OSBPL10: variants seen among roughly 807,000 people sequenced by gnomAD.
OSBPL10 encodes oxysterol-binding protein-related protein 10.
In OSBPL10, 49 loss-of-function variants were observed where a neutral mutation model predicts 81.7. That is an observed-to-expected ratio of 0.60 (90% CI 0.48 to 0.76). The LOEUF (loss-of-function observed/expected upper bound fraction) is 0.76, where lower values mean the gene tolerates loss of function less well. Among genes scored for constraint, OSBPL10 ranks in the 30% least tolerant of loss-of-function variants. The pLI is 0.00. For missense variants in OSBPL10, 923 were observed against 987.8 expected (o/e 0.93, Z 0.88); for synonymous variants, 419 against 383.6 (o/e 1.09, Z -1.08).
At chr3:32,044,559 A>G (rs1575091472) in intron 2 of OSBPL10, among the ~76,000 whole-genome samples, 1 of 151,424 alleles carries the variant, frequency 6.6e-6, no homozygotes, top group South Asian at 2.1e-4. Flanking sequence ...CCTGACCAAC[A>G]GGAGAAACCC....
At chr3:31,705,891 CT>C (rs1696049299) in intron 6 of OSBPL10, among the ~76,000 whole-genome samples, 1 of 152,132 alleles carries the variant, frequency 6.6e-6, no homozygotes, top group Admixed American at 6.5e-5. Flanking sequence ...TTTCATACTG[CT>C]GAGAGAATTT....
chr3:31,910,047 T>C (rs574753452), intron 1 of OSBPL10, among the ~76,000 whole-genome samples: 37 of 145,056 alleles, frequency 2.6e-4, no homozygotes, highest in African/African-American at 9.4e-4. Context: ...AGTGGCACAA[T>C]CTCGGCTCAC....
chr3:32,049,883 C>T (rs565624879), intron 1 of OSBPL10, among the ~76,000 whole-genome samples: 19 of 152,168 alleles, frequency 1.2e-4, no homozygotes, highest in Non-Finnish European at 2.2e-4. Context: ...CTGGCCTCCC[C>T]GAGCTCCTTG....
intron 6 of OSBPL10, among the ~76,000 whole-genome samples, chr3:31,731,127 T>C (rs1489742151): frequency 2.0e-5 from 3 of 152,148 alleles, no homozygotes; most frequent in East Asian, 3.8e-4. Flanking sequence ...AGACAAAAAA[T>C]GTGGCAAAGC....
At chr3:31,954,095 G>C (rs894792246) in intron 1 of OSBPL10, among the ~76,000 whole-genome samples, 9 of 152,198 alleles carry the variant, frequency 5.9e-5, no homozygotes, top group African/African-American at 1.9e-4. Flanking sequence ...GAGAAGTCTG[G>C]GTTCATCCTT....
chr3:31,942,534 C>CAA (rs34915200), intron 1 of OSBPL10, among the ~76,000 whole-genome samples: 24,994 of 79,446 alleles, frequency 0.31, 3,923 homozygotes, highest in East Asian at 0.43. Context: ...GACTCCATCT[C>CAA]AAAAAAAAAA....
chr3:31,758,368 G>C (rs912412496), intron 4 of OSBPL10, among the ~76,000 whole-genome samples: 1 of 152,190 alleles, frequency 6.6e-6, no homozygotes, highest in African/African-American at 2.4e-5. Flanking sequence ...AGATACCACT[G>C]TTAGCCAAGG....
intron 4 of OSBPL10, among the ~76,000 whole-genome samples, chr3:31,821,127 C>A (rs914339882): frequency 5.9e-5 from 9 of 152,084 alleles, no homozygotes; most frequent in Non-Finnish European, 7.4e-5. Flanking sequence ...CCATGCCGTG[C>A]TCCCAGCAGG....
chr3:31,947,557 C>T (rs1306043591), intron 1 of OSBPL10, among the ~76,000 whole-genome samples: 1 of 152,188 alleles, frequency 6.6e-6, no homozygotes, highest in African/African-American at 2.4e-5. Flanking sequence ...CCTTCCCCTA[C>T]TCCACAATTC....
In OSBPL10 at chr3:31,664,176, G is replaced by A; in HGVS notation, c.2153C>T (p.Thr718Ile). 3.1e-6 allele frequency: 5 copies of A among 1,613,414 alleles called. No individual in the cohort carries two copies. Among genetic ancestry groups the A allele is most frequent in the Non-Finnish European group, 4.2e-6 (5 of 1,179,984 alleles). Residue 718 changes from threonine to isoleucine, a missense_variant, in exon 11 of 12, where the codon ACC becomes ATC. Thr to Ile is a moderately conservative substitution (Grantham distance 89, BLOSUM62 -1). This residue lies in a region of OSBPL10 where 387 missense variants were observed against 436.3 expected (regional missense o/e 0.89). Coordinates refer to ENST00000396556, the MANE Select transcript of OSBPL10 (RefSeq NM_017784.5). ...YLRLGDIDAATEQKRHLEEKQ... is the reference protein window; with the variant it reads ...YLRLGDIDAAIEQKRHLEEKQ... ...CTCCTCCAGGTGCCGCTTCTGCTCG[G>A]TGGCTGCGTCAATGTCCCCCAGCCG...
intron 4 of OSBPL10, among the ~76,000 whole-genome samples, chr3:31,762,258 C>G (rs953189927): frequency 6.6e-6 from 1 of 152,172 alleles, no homozygotes; most frequent in Admixed American, 6.5e-5. Flanking sequence ...CTGCTTCCCC[C>G]ACATTTATCT....
chr3:31,772,032 CA>C (rs967262404), intron 4 of OSBPL10, among the ~76,000 whole-genome samples: 1 of 152,168 alleles, frequency 6.6e-6, no homozygotes, highest in African/African-American at 2.4e-5. Context: ...ATTTGCCTAG[CA>C]GATTTTTTTT....
intron 4 of OSBPL10, among the ~76,000 whole-genome samples, chr3:31,754,535 T>G (rs535889766): frequency 1.3e-5 from 2 of 152,126 alleles, no homozygotes; most frequent in Non-Finnish European, 2.9e-5. Flanking sequence ...CACTGTATAC[T>G]ATAAACCAAA....
At chr3:31,951,524 T>C (rs2125445415) in intron 1 of OSBPL10, among the ~76,000 whole-genome samples, 1 of 152,090 alleles carries the variant, frequency 6.6e-6, no homozygotes, top group South Asian at 2.1e-4. Context: ...GTGGTTATAT[T>C]ATCCTTCCTA....
At position 31,690,872 on chromosome 3, in the gene OSBPL10, G is replaced by A. The variant is rs1011846052; in HGVS notation, c.1246-6758C>T. 2.6e-5 allele frequency among the ~76,000 whole-genome samples: 4 copies of A among 151,746 alleles called. No individual in the cohort carries two copies. The East Asian group carries it at 5.8e-4, about 22-fold the overall frequency. ...ACTTTTCATTAAAACAGACTTCCTA[G>A]TCTGGTCTGATTTCTTCCTCTCCTA... On this transcript the variant is annotated intron_variant, in intron 7 of 11. Coordinates refer to ENST00000396556, the MANE Select transcript of OSBPL10 (RefSeq NM_017784.5).
intron 2 of OSBPL10, among the ~76,000 whole-genome samples, chr3:32,043,858 A>G (rs1699597070): frequency 6.6e-6 from 1 of 152,002 alleles, no homozygotes; most frequent in South Asian, 2.1e-4. Flanking sequence ...AGAGCTAAAC[A>G]TTGGGTACTC....
chr3:31,830,126 C>A lies in OSBPL10; in HGVS notation c.643G>T (p.Val215Phe). The stretch of plus-strand genomic sequence containing the variant: ...GACTTGTGATGCGTGATTGTGACAA[C>A]ACCGGGGGCCCCCACACTGAGGTGT... Reference protein sequence around the residue: ...QRHLSVGAPGVVTITHHKSPA... With the variant: ...QRHLSVGAPGFVTITHHKSPA... The change falls in exon 4 of 12, where the codon GTT becomes TTT. Residue 215 changes from valine to phenylalanine, a missense_variant. Val to Phe is a conservative substitution (Grantham distance 50). Transcript: ENST00000396556. The A allele has an allele frequency of 6.2e-7, 1 of 1,614,126 alleles. No individual in the cohort carries two copies. The highest frequency in any genetic ancestry group is 8.5e-7 in the Non-Finnish European group (1 of 1,180,008).
intron 4 of OSBPL10, among the ~76,000 whole-genome samples, chr3:31,805,941 C>T (rs564088027): frequency 6.6e-6 from 1 of 152,304 alleles, no homozygotes; most frequent in South Asian, 2.1e-4. Flanking sequence ...ACTTGTCTTT[C>T]TCTACTAATT....
chr3:31,714,184 G>GTGGT (rs1696358195), intron 6 of OSBPL10: 1 of 152,396 alleles, frequency 6.6e-6, no homozygotes, highest in African/African-American at 2.4e-5. Flanking sequence ...GCACTGGGGG[G>GTGGT]TGGTAGTGAC....
Sources: gnomAD v4.1 joint callset for allele counts (sites outside exome capture counted in the v4.1 genomes callset) on GRCh38, gnomAD v4.1.1 for gene constraint, gnomAD v4.1.1 regional missense constraint, MANE v1.5 for transcripts, NCBI Gene and HGNC (gene_info 2026-07-23, HGNC 2026-07-21) for gene names.